The following NAV3 variants were observed in gnomAD, a reference collection of about 807,000 sequenced individuals.
The protein encoded by NAV3 is neuron navigator 3, also known as pore membrane and/or filament interacting like protein 1.
A neutral mutation model predicts 244.7 loss-of-function variants in NAV3; 87 were observed. The observed-to-expected ratio is 0.36, with a 90% CI of 0.30 to 0.42. The LOEUF (loss-of-function observed/expected upper bound fraction) is 0.42. NAV3 is among the 20% of genes least tolerant of loss of function. NAV3 has a pLI of 1.00. For missense variants in NAV3, 2,663 were observed against 2,893.3 expected (o/e 0.92, Z 1.83); for synonymous variants, 1,126 against 1,042.2 (o/e 1.08, Z -1.55).
chr12:77,579,291 T>G (rs560022980), intron 2 of NAV3, among the ~76,000 whole-genome samples: 1 of 152,326 alleles, frequency 6.6e-6, no homozygotes, highest in East Asian at 1.9e-4. Context: ...CCCTGTTAGT[T>G]GAGCTTATCA....
chr12:78,023,969 A>G (rs1321555990), intron 9 of NAV3, among the ~76,000 whole-genome samples: 2 of 152,102 alleles, frequency 1.3e-5, no homozygotes, highest in Non-Finnish European at 2.9e-5. Flanking sequence ...TCTAGGCACC[A>G]TCAGAAACTA....
chr12:77,735,968 T>C (rs1049679172), intron 2 of NAV3, among the ~76,000 whole-genome samples: 5 of 152,230 alleles, frequency 3.3e-5, no homozygotes, highest in African/African-American at 1.2e-4. Context: ...CTCTGCTGTC[T>C]GAAAACAGGT....
chr12:77,925,116 G>GA (rs112748444), intron 1 of NAV3, among the ~76,000 whole-genome samples: 15 of 151,400 alleles, frequency 9.9e-5, no homozygotes, highest in Non-Finnish European at 1.5e-4. Context: ...GAAAGGTTGG[G>GA]AAAAAAAACA....
At chr12:78,205,229 A>C in intron 39 of NAV3, 91 bp downstream of exon 39, 1 of 1,300,094 alleles carries the variant, frequency 7.7e-7, no homozygotes, top group East Asian at 2.5e-5. Context: ...GACATTTGTT[A>C]TCCTAAGCAA....
intron 2 of NAV3, among the ~76,000 whole-genome samples, chr12:77,750,714 A>G (rs1272121925): frequency 6.6e-6 from 1 of 152,190 alleles, no homozygotes; most frequent in African/African-American, 2.4e-5. Flanking sequence ...TGTGGTATAC[A>G]GTGACAAGTG....
At chr12:77,873,608 G>A (rs980663115) in intron 1 of NAV3, among the ~76,000 whole-genome samples, 3 of 145,140 alleles carry the variant, frequency 2.1e-5, no homozygotes, top group Non-Finnish European at 4.5e-5. Context: ...TTTCCTAGAT[G>A]ATTTGCTTGT....
At chr12:78,086,429 A>G (rs2137923095) in intron 12 of NAV3, among the ~76,000 whole-genome samples, 1 of 152,210 alleles carries the variant, frequency 6.6e-6, no homozygotes, top group South Asian at 2.1e-4. Flanking sequence ...ATTTTAAGTA[A>G]TAACATGTTT....
chr12:77,636,696 CAT>C (rs1455882877), intron 2 of NAV3, among the ~76,000 whole-genome samples: 2 of 152,056 alleles, frequency 1.3e-5, no homozygotes, highest in East Asian at 1.9e-4. Context: ...CACATGGACA[CAT>C]ATGTTTTTTG....
chr12:78,075,174 C>A (rs978145370), intron 12 of NAV3, among the ~76,000 whole-genome samples: 1 of 151,990 alleles, frequency 6.6e-6, no homozygotes, highest in Admixed American at 6.6e-5. Context: ...TCATTGTAAG[C>A]AGTACAGATA....
rs140061816 is a variant in NAV3 at position 77,815,820 on chromosome 12, T to C, written c.73-124499T>C. Among the ~76,000 whole-genome samples the C allele has an allele frequency of 1.1e-3, 169 of 152,312 alleles. 1 individual carries two copies. The highest frequency in any genetic ancestry group is 3.9e-3 in the African/African-American group (163 of 41,578). ...CAAAATGAGAACTTGGGTGTGGTAC[T>C]TAGCAACTTTTAGATATACCAATAA... On this transcript the variant is annotated intron_variant, in intron 2 of 8. Coordinates refer to the NAV3 transcript ENST00000550042.
At chr12:77,861,307 C>G (rs61937400) in intron 1 of NAV3, among the ~76,000 whole-genome samples, 1 of 151,418 alleles carries the variant, frequency 6.6e-6, no homozygotes, top group Non-Finnish European at 1.5e-5. Context: ...CAAACTTGAC[C>G]AGAAGTTTTG....
intron 2 of NAV3, among the ~76,000 whole-genome samples, chr12:77,623,774 T>C (rs1871490492): frequency 6.6e-6 from 1 of 152,154 alleles, no homozygotes; most frequent in Admixed American, 6.5e-5. Context: ...ATTTCAACCT[T>C]TAAATCGAGA....
intron 2 of NAV3, among the ~76,000 whole-genome samples, chr12:77,769,665 G>T (rs889303658): frequency 6.6e-6 from 1 of 152,132 alleles, no homozygotes; most frequent in African/African-American, 2.4e-5. Context: ...ATCTCAAGTG[G>T]ATTACTTTTG....
At chr12:77,898,801 T>G (rs1884932861) in intron 1 of NAV3, among the ~76,000 whole-genome samples, 1 of 152,244 alleles carries the variant, frequency 6.6e-6, no homozygotes. Context: ...GCCATAGTGA[T>G]TCCTCTGATG....
chr12:78,028,317 C>T (rs933322949), intron 9 of NAV3, among the ~76,000 whole-genome samples: 33 of 152,024 alleles, frequency 2.2e-4, no homozygotes, highest in African/African-American at 7.5e-4. Context: ...ATTCAATAGG[C>T]TGGTTGTGGA....
intron 2 of NAV3, among the ~76,000 whole-genome samples, chr12:77,698,453 G>T (rs1875413831): frequency 6.6e-6 from 1 of 152,154 alleles, no homozygotes; most frequent in Non-Finnish European, 1.5e-5. Context: ...GAGGAAGAGT[G>T]TAGATAGAAA....
At chr12:77,607,824 GA>G (rs1870739219) in intron 2 of NAV3, among the ~76,000 whole-genome samples, 2 of 152,022 alleles carry the variant, frequency 1.3e-5, no homozygotes, top group South Asian at 4.1e-4. Context: ...AACATTTTGA[GA>G]ACAAGAACTG....
In NAV3 at chr12:78,158,246, G is replaced by A. The variant is rs1007858412; in HGVS notation, c.4786-957G>A. On this transcript the variant is annotated intron_variant, in intron 22 of 39. Transcript: ENST00000397909. ...ATAGGTATAGTTTATTATAGACTTC[G>A]TTTGCAAAATATTAAATCCTTATAT... 3.9e-5 allele frequency among the ~76,000 whole-genome samples: 6 copies of A among 152,046 alleles called. No homozygotes were observed. The South Asian group carries it at 6.2e-4, about 16-fold the overall frequency.
At chr12:77,645,507 T>TG (rs1414336402) in intron 2 of NAV3, among the ~76,000 whole-genome samples, 1 of 135,310 alleles carries the variant, frequency 7.4e-6, no homozygotes, top group Non-Finnish European at 1.5e-5. Context: ...AGGGCTTTCT[T>TG]GGGGAATTCA....
Sources: gnomAD v4.1 joint callset for allele counts (sites outside exome capture counted in the v4.1 genomes callset) on GRCh38, gnomAD v4.1.1 for gene constraint, MANE v1.5 for transcripts, NCBI Gene and HGNC (gene_info 2026-07-23, HGNC 2026-07-21) for gene names.